Variants in SIKE1 observed in about 807,000 individuals in gnomAD.
SIKE1 encodes suppressor of IKBKE 1.
SIKE1 carries 13 observed loss-of-function variants against 25.8 expected under a neutral mutation model. The ratio of observed to expected loss-of-function variants is 0.50; its 90% confidence interval spans 0.33 to 0.80. The LOEUF (loss-of-function observed/expected upper bound fraction) is 0.80, where lower values mean the gene tolerates loss of function less well. SIKE1 is among the 30% of genes least tolerant of loss of function. SIKE1 has a pLI of 0.02. For missense variants in SIKE1, 222 were observed against 252.4 expected, an observed-to-expected ratio of 0.88 and a Z score of 0.82; for synonymous variants, 86 against 95.5, an observed-to-expected ratio of 0.90 and a Z score of 0.58.
chr1:114,775,383 G>T (rs1213367070), intron 4 of SIKE1, among the ~76,000 whole-genome samples: 1 of 151,972 alleles, frequency 6.6e-6, no homozygotes, highest in Non-Finnish European at 1.5e-5. Flanking sequence ...ATAATACTAG[G>T]GTTATCCCTT....
At chr1:114,777,778 A>C (rs1662287521) in intron 3 of SIKE1, among the ~76,000 whole-genome samples, 2 of 152,176 alleles carry the variant, frequency 1.3e-5, no homozygotes, top group African/African-American at 4.8e-5. Flanking sequence ...TGTCCAGTGC[A>C]TCAATCCCCC....
At chr1:114,776,661 T>TTC (rs1553177908) in intron 3 of SIKE1, among the ~76,000 whole-genome samples, 16,434 of 151,660 alleles carry the variant, frequency 0.11, 892 homozygotes, top group African/African-American at 0.12. Flanking sequence ...TTTTTTTTTT[T>TTC]CTTTCAAAAA....
intron 3 of SIKE1, among the ~76,000 whole-genome samples, chr1:114,777,931 C>T (rs1156758257): frequency 6.6e-6 from 1 of 152,226 alleles, no homozygotes; most frequent in Non-Finnish European, 1.5e-5. Flanking sequence ...AAGCTTACTA[C>T]ATTCCAAGGT....
In SIKE1 at chr1:114,774,559, G is replaced by C. The variant is rs1440163163; in HGVS notation, c.523-187C>G. Among the ~76,000 whole-genome samples, 5 of 152,056 alleles carry C rather than the reference G, an allele frequency of 3.3e-5. No homozygotes were observed. The East Asian group carries it at 9.6e-4, about 29-fold the overall frequency. ...TTCATTTAACAAACATTTACATGTA[G>C]GATGTAGGCAATGATACTCTTTTGT... is the stretch of plus-strand genomic sequence containing the variant. On this transcript the variant is annotated intron_variant, in intron 4 of 4. Transcript: ENST00000060969.
rs1377681063 is a variant in SIKE1 at position 114,779,112 on chromosome 1, T to C, written c.408+30A>G. The C allele has an allele frequency of 2.5e-6, 4 of 1,608,804 alleles. No individual in the cohort carries two copies. In the African/African-American group the frequency reaches 4.0e-5, roughly 16 times the overall value. ...AAACAATCTCAAGATTTCAATTTGG[T>C]TCATTTCGAATTTATTCAAAGTTTC... On this transcript the variant is annotated intron_variant, in intron 3 of 4. Transcript: ENST00000060969.
At chr1:114,778,947 C>G in intron 3 of SIKE1, 195 bp downstream of exon 3, 1 of 607,208 alleles carries the variant, frequency 1.6e-6, no homozygotes, top group Non-Finnish European at 2.9e-6. Flanking sequence ...GTCCCAGCTG[C>G]TCCGGAGGCA....
At position 114,775,686 on chromosome 1, in the gene SIKE1, T is replaced by C. The variant is rs187411092; in HGVS notation, c.522+660A>G. ...ACACCTGGCTAATTTTCTGTATTTTTTGTAAAGACAGGGTTCCGCCATGTT... is the reference window on the plus strand; with the variant it reads ...ACACCTGGCTAATTTTCTGTATTTTCTGTAAAGACAGGGTTCCGCCATGTT... On this transcript the variant is annotated intron_variant, in intron 4 of 4. Transcript: ENST00000060969. Among the ~76,000 whole-genome samples the C allele has an allele frequency of 6.1e-4, 93 of 152,178 alleles. No individual in the cohort carries two copies. The Middle Eastern group carries it at 0.01, about 17-fold the overall frequency.
intron 4 of SIKE1, among the ~76,000 whole-genome samples, chr1:114,775,502 G>T (rs1376306877): frequency 5.4e-5 from 7 of 130,730 alleles, no homozygotes; most frequent in South Asian, 2.4e-4. Flanking sequence ...GAAATGCTTT[G>T]CTTTTTTTTT....
At position 114,780,636 on chromosome 1, in the gene SIKE1, G is replaced by C. The variant is rs773963449; in HGVS notation, c.-29C>G. ...AGCAGCACCACCCCAGCCCCTGCCGGGCTCAGCTACGCGACTCGCTCAGAT... is the reference window on the plus strand; with the variant it reads ...AGCAGCACCACCCCAGCCCCTGCCGCGCTCAGCTACGCGACTCGCTCAGAT... On this transcript the variant is annotated 5_prime_UTR_variant, in exon 1 of 5. Transcript: ENST00000060969. The C allele has an allele frequency of 1.3e-6, 2 of 1,570,104 alleles. No homozygotes were observed. The highest frequency in any genetic ancestry group is 1.4e-5 in the African/African-American group (1 of 73,788).
At position 114,780,630 on chromosome 1, in the gene SIKE1, C is replaced by T. The variant is rs774957171; in HGVS notation, c.-23G>A. On this transcript the variant is annotated 5_prime_UTR_variant, in exon 1 of 5. Transcript: ENST00000060969. ...CATAGCAGCAGCACCACCCCAGCCC[C>T]TGCCGGGCTCAGCTACGCGACTCGC... The T allele has an allele frequency of 1.3e-6, 2 of 1,582,720 alleles. No individual in the cohort carries two copies. Among genetic ancestry groups the T allele is most frequent in the Admixed American group, 3.5e-5 (2 of 57,410 alleles).
rs569617623 is a variant in SIKE1, at chr1:114,770,709, T to G, written c.*3562A>C. ...GGGCAGCCAAAAGAGAAATGACAGA[T>G]GTCTGCTACAGCCCATTCTCTTGGC... On this transcript the variant is annotated 3_prime_UTR_variant, in exon 5 of 5. Transcript: ENST00000060969. 12 of 152,366 alleles carry G rather than the reference T, an allele frequency of 7.9e-5. No homozygotes were observed. Among genetic ancestry groups the G allele is most frequent in the African/African-American group, 2.6e-4 (11 of 41,588 alleles). 9.4% of individuals were successfully genotyped at this position (152,366 alleles called of 1,614,324 possible). A position where few individuals can be genotyped will look rare whatever the true frequency, so the allele number is the denominator to read the frequency against.
chr1:114,776,540 A>AT, intron 3 of SIKE1, 81 bp from the exon 4 acceptor site: 1 of 913,434 alleles, frequency 1.1e-6, no homozygotes, highest in Non-Finnish European at 1.8e-6. Flanking sequence ...GTGCATTACG[A>AT]TTTTTAAAAG....
chr1:114,779,880 A>G (rs1008512839), intron 2 of SIKE1, among the ~76,000 whole-genome samples: 2 of 152,162 alleles, frequency 1.3e-5, no homozygotes, highest in African/African-American at 4.8e-5. Context: ...TTAAAAATAA[A>G]CCATGCAATA....
At position 114,772,382 on chromosome 1, in the gene SIKE1, A is replaced by G. The variant is rs1662093850; in HGVS notation, c.*1889T>C. 1 of 152,200 alleles carries G rather than the reference A, an allele frequency of 6.6e-6. No individual in the cohort carries two copies. The highest frequency in any genetic ancestry group is 6.5e-5 in the Admixed American group (1 of 15,276). 9.4% of individuals were successfully genotyped at this position (152,200 alleles called of 1,614,324 possible). ...CCCCGACTCAATTTTCTAACTACAT[A>G]TTATCTTCATAGCATTAACACCAGC... is the stretch of plus-strand genomic sequence containing the variant. On this transcript the variant is annotated 3_prime_UTR_variant, in exon 5 of 5. Coordinates refer to ENST00000060969, the MANE Select transcript of SIKE1 (RefSeq NM_025073.3).
chr1:114,779,186 C>T lies in SIKE1; in HGVS notation c.364G>A (p.Val122Met). Residue 122 changes from valine (V) to methionine (M), a missense_variant, in exon 3 of 5, where the codon GTG (valine) becomes ATG (methionine). Physicochemically the swap from Val to Met is conservative, Grantham distance 21. Transcript: ENST00000060969. The stretch of plus-strand genomic sequence containing the variant: ...GCTTTCAGGACTGGTTCAGCATCCA[C>T]CGCTTTTTTAGCAACCATTAACTGT... The part of the protein sequence containing the change: ...MLQLMVAKKA[V>M]DAEPVLKAHQ... 1 of 1,614,198 alleles carries T rather than the reference C, an allele frequency of 6.2e-7. No individual in the cohort carries two copies. Among genetic ancestry groups the T allele is most frequent in the Non-Finnish European group, 8.5e-7 (1 of 1,180,036 alleles).
rs1369229525 is a variant in SIKE1, at chr1:114,773,347, A to G, written c.*924T>C. 6.6e-6 allele frequency: 1 copy of G among 152,130 alleles called. No homozygotes were observed. The highest frequency in any genetic ancestry group is 1.5e-5 in the Non-Finnish European group (1 of 68,010). 9.4% of individuals were successfully genotyped at this position (152,130 alleles called of 1,614,324 possible). A position where few individuals can be genotyped will look rare whatever the true frequency, so the allele number is the denominator to read the frequency against. ...ATGTAAACAAAAAAAAAGAAAGCCAACTATTAGTGCTAGGAATGAAAGACA... is the reference window on the plus strand; with the variant it reads ...ATGTAAACAAAAAAAAAGAAAGCCAGCTATTAGTGCTAGGAATGAAAGACA... On this transcript the variant is annotated 3_prime_UTR_variant, in exon 5 of 5. Transcript: ENST00000060969.
Position 114,774,451 on chromosome 1 carries a change from G to A in SIKE1, c.523-79C>T, listed in dbSNP as rs550343565. ...ACAACAACACATTATTTTGAGCCAG[G>A]AGCAGAAAACATTATTTTAATTTTA... On this transcript the variant is annotated intron_variant, in intron 4 of 4. Transcript: ENST00000060969. The A allele has an allele frequency of 1.3e-5, 12 of 958,288 alleles. No homozygotes were observed. In the South Asian group the frequency reaches 2.2e-4, roughly 18 times the overall value. The allele number at this position is 958,288 out of a possible 1,614,324, so 59.4% of individuals were successfully genotyped here. A position where few individuals can be genotyped will look rare whatever the true frequency, so the allele number is the denominator to read the frequency against.
At position 114,780,603 on chromosome 1, in the gene SIKE1, C is replaced by G; in HGVS notation, c.5G>C (p.Ser2Thr). ...TGTCAGGATCTTCTCGATGGTGCAGCTCATAGCAGCAGCACCACCCCAGCC... is the reference window on the plus strand; with the variant it reads ...TGTCAGGATCTTCTCGATGGTGCAGGTCATAGCAGCAGCACCACCCCAGCC... The part of the protein sequence containing the change: M[S>T]CTIEKILTDA... Residue 2 changes from serine (S) to threonine (T), a missense_variant, in exon 1 of 5, where the codon AGC becomes ACC. Coordinates refer to ENST00000060969, the MANE Select transcript of SIKE1 (RefSeq NM_025073.3). 6.2e-7 allele frequency: 1 copy of G among 1,607,392 alleles called. No homozygotes were observed. Among genetic ancestry groups the G allele is most frequent in the Non-Finnish European group, 8.5e-7 (1 of 1,177,504 alleles).
Position 114,779,362 on chromosome 1 carries a change from T to C in SIKE1, c.266-78A>G. 2.1e-6 allele frequency: 3 copies of C among 1,398,176 alleles called. No individual in the cohort carries two copies. The South Asian group carries it at 3.8e-5, about 18-fold the overall frequency. The allele number at this position is 1,398,176 out of a possible 1,614,324, so 86.6% of individuals were successfully genotyped here. ...TCCAAAGTCTTAACAGTTGGAATTT[T>C]GTAACACTATATAGATAATATGAAT... On this transcript the variant is annotated intron_variant, in intron 2 of 4. Transcript: ENST00000060969.
Sources: allele counts gnomAD v4.1 joint callset (sites outside exome capture counted in the v4.1 genomes callset), GRCh38; gene constraint gnomAD v4.1.1; transcripts MANE v1.5; gene names NCBI Gene and HGNC (gene_info 2026-07-23, HGNC 2026-07-21).